Variants in MANEAL observed in about 807,000 individuals in gnomAD.
The protein encoded by MANEAL is mannosidase endo-alpha like.
Under a neutral mutation model 35.9 loss-of-function variants are expected in MANEAL, and 28 were observed. That is an observed-to-expected ratio of 0.78 (90% confidence interval 0.58 to 1.07). MANEAL has a LOEUF of 1.07. MANEAL is among the 50% of genes least tolerant of loss of function. The pLI, the probability that MANEAL is intolerant of heterozygous loss-of-function variation, is 0.00. For missense variants in MANEAL, 576 were observed against 629.6 expected (o/e 0.91, Z 0.91); for synonymous variants, 286 against 272.2 (o/e 1.05, Z -0.50).
At chr1:37,798,931 T>A (rs1360842196) in intron 3 of MANEAL, among the ~76,000 whole-genome samples, 1 of 151,672 alleles carries the variant, frequency 6.6e-6, no homozygotes, top group Non-Finnish European at 1.5e-5. Flanking sequence ...TCCAGCTACT[T>A]GAGAGGCTGA....
chr1:37,800,950 C>T lies in MANEAL; in HGVS notation c.*747C>T, dbSNP rs1385115625. ...AGTGCTGGGAGTTCAGTTCTTTTTC[C>T]TCTAGAAAAATACCTCTGTGCTCCA... On this transcript the variant is annotated 3_prime_UTR_variant, in exon 4 of 4. Coordinates refer to ENST00000373045, the MANE Select transcript of MANEAL (RefSeq NM_001113482.2). 1.3e-5 allele frequency: 2 copies of T among 152,554 alleles called. No homozygotes were observed. Among genetic ancestry groups the T allele is most frequent in the African/African-American group, 4.8e-5 (2 of 41,398 alleles). The allele number at this position is 152,554 out of a possible 1,614,324, so 9.5% of individuals were successfully genotyped here.
chr1:37,794,382 C>G lies in MANEAL; in HGVS notation c.200C>G (p.Ala67Gly), dbSNP rs1195637618. 3.7e-6 allele frequency: 4 copies of G among 1,077,422 alleles called. No homozygotes were observed. The highest frequency in any genetic ancestry group is 4.5e-6 in the Non-Finnish European group (4 of 890,832). The allele number at this position is 1,077,422 out of a possible 1,614,324, so 66.7% of individuals were successfully genotyped here. ...GCCAGGGCCCCGGCAGCCCCTGCCG[C>G]GCCGCCCCCGCCGCCGCCGCCGCCC... ...PAARAPAAPA[A>G]PPPPPPPPRT... is the part of the protein sequence containing the mutation. The change falls in exon 1 of 4, where the codon GCG becomes GGG. Residue 67 changes from alanine (A) to glycine (G), a missense_variant. Coordinates refer to ENST00000373045, the MANE Select transcript of MANEAL (RefSeq NM_001113482.2). The surrounding 1 kb of genome is among the most constrained non-coding windows in gnomAD (Gnocchi z 5.7).
At chr1:37,795,669 T>C in intron 1 of MANEAL, 68 bp from the exon 2 acceptor site, 1 of 1,600,642 alleles carries the variant, frequency 6.2e-7, no homozygotes, top group Non-Finnish European at 8.5e-7. Context: ...GAGATGTTTG[T>C]GAGGAAAAAA....
Position 37,799,426 on chromosome 1 carries a change from C to A in MANEAL, c.738-141C>A. 1 of 944,120 alleles carries A rather than the reference C, an allele frequency of 1.1e-6. No individual in the cohort carries two copies. Among genetic ancestry groups the A allele is most frequent in the Non-Finnish European group, 1.6e-6 (1 of 634,350 alleles). The allele number at this position is 944,120 out of a possible 1,614,324, so 58.5% of individuals were successfully genotyped here. ...GAGGAAGGAGGGAACCAGGTTCTTG[C>A]TTAGAGGCATGATGACTCCAACTGT... On this transcript the variant is annotated intron_variant, in intron 3 of 3. Coordinates refer to ENST00000373045, the MANE Select transcript of MANEAL (RefSeq NM_001113482.2). The surrounding 1 kb of genome is among the most constrained non-coding windows in gnomAD (Gnocchi z 4.1).
rs1646650269 is a variant in MANEAL, at chr1:37,796,899, A to G, written c.737+79A>G. 30 of 1,351,062 alleles carry G rather than the reference A, an allele frequency of 2.2e-5. No homozygotes were observed. The South Asian group carries it at 3.6e-4, about 16-fold the overall frequency. 83.7% of individuals were successfully genotyped at this position (1,351,062 alleles called of 1,614,324 possible). A position where few individuals can be genotyped will look rare whatever the true frequency, so the allele number is the denominator to read the frequency against. ...ATAGAAGGTTTGGAGGGGCAGGTCA[A>G]GAGACACAGGGCATAATGCCTGTGT... On this transcript the variant is annotated intron_variant, in intron 3 of 3. Transcript: ENST00000373045.
chr1:37,797,051 A>G (rs1646651362), intron 3 of MANEAL, among the ~76,000 whole-genome samples: 1 of 152,222 alleles, frequency 6.6e-6, no homozygotes, highest in Non-Finnish European at 1.5e-5. Context: ...TCTTGTGAGA[A>G]TCACACGAAT....
chr1:37,797,019 G>A (rs956574807), intron 3 of MANEAL, among the ~76,000 whole-genome samples, 199 bp downstream of exon 3: 1 of 152,196 alleles, frequency 6.6e-6, no homozygotes, highest in Non-Finnish European at 1.5e-5. Flanking sequence ...TCTGTGATGA[G>A]GCAAGCCTCT....
At position 37,799,462 on chromosome 1, in the gene MANEAL, T is replaced by A. The variant is rs1192047194; in HGVS notation, c.738-105T>A. The A allele has an allele frequency of 7.8e-7, 1 of 1,288,018 alleles. No homozygotes were observed. The highest frequency in any genetic ancestry group is 2.2e-5 in the Admixed American group (1 of 44,948). The allele number at this position is 1,288,018 out of a possible 1,614,324, so 79.8% of individuals were successfully genotyped here. On this transcript the variant is annotated intron_variant, in intron 3 of 3. Transcript: ENST00000373045. This position sits in a 1 kb window ranked among gnomAD's most constrained non-coding sequence, Gnocchi z 4.1. ...GATGACTCCAACTGTGGAGACTGAC[T>A]GGCTCCAGAACTGGGCTGTGTTGCA...
Position 37,795,907 on chromosome 1 carries a change from G to A in MANEAL, c.660+61G>A, listed in dbSNP as rs900541904. ...CTATTCTGGAGAGTTGCTCTCCTCC[G>A]CCCACAGGGTTAGTGCCTCTACAGA... On this transcript the variant is annotated intron_variant, in intron 2 of 3. Coordinates refer to ENST00000373045, the MANE Select transcript of MANEAL (RefSeq NM_001113482.2). 2.5e-5 allele frequency: 37 copies of A among 1,451,788 alleles called. 1 individual carries two copies. The highest frequency in any genetic ancestry group is 1.7e-4 in the Middle Eastern group (1 of 5,758). The allele number at this position is 1,451,788 out of a possible 1,614,324, so 89.9% of individuals were successfully genotyped here.
At chr1:37,798,805 G>A (rs1646668979) in intron 3 of MANEAL, among the ~76,000 whole-genome samples, 1 of 152,170 alleles carries the variant, frequency 6.6e-6, no homozygotes, top group South Asian at 2.1e-4. Context: ...TTGAGAGGCT[G>A]AGGTGGGTGG....
intron 3 of MANEAL, among the ~76,000 whole-genome samples, chr1:37,797,976 C>G (rs1646659136): frequency 6.6e-6 from 1 of 151,236 alleles, no homozygotes; most frequent in Admixed American, 6.6e-5. Flanking sequence ...ATAGCAAGAC[C>G]CCATCTCTAC....
Position 37,794,739 on chromosome 1 carries a change from G to A in MANEAL, c.550+7G>A. 2 of 1,543,874 alleles carry A rather than the reference G, an allele frequency of 1.3e-6. No homozygotes were observed. Among genetic ancestry groups the A allele is most frequent in the South Asian group, 1.2e-5 (1 of 82,830 alleles). The stretch of plus-strand genomic sequence containing the variant: ...CTCAAGGAAGCCGCCATCGGTGAGC[G>A]CCCCCCACCCCGGGCGGCCCTGCCC... On this transcript the variant is annotated splice_region_variant and intron_variant, in intron 1 of 3. Transcript: ENST00000373045. The surrounding 1 kb of genome is among the most constrained non-coding windows in gnomAD (Gnocchi z 5.7).
chr1:37,801,104 T>C lies in MANEAL; in HGVS notation c.*901T>C, dbSNP rs1032776553. ...CCATGTTCAGTGCTACTGTGATTAG[T>C]AGTAATTAAATATGAACTGGTATTC... On this transcript the variant is annotated 3_prime_UTR_variant, in exon 4 of 4. Coordinates refer to ENST00000373045, the MANE Select transcript of MANEAL (RefSeq NM_001113482.2). The C allele has an allele frequency of 4.6e-5, 7 of 152,634 alleles. No individual in the cohort carries two copies. The highest frequency in any genetic ancestry group is 1.7e-4 in the African/African-American group (7 of 41,462). 9.5% of individuals were successfully genotyped at this position (152,634 alleles called of 1,614,324 possible).
rs1247469212 is a variant in MANEAL, at chr1:37,799,724, G to T, written c.895G>T (p.Gly299Trp). The change falls in exon 4 of 4, where the codon GGG (glycine) becomes TGG (tryptophan). Residue 299 changes from glycine (G) to tryptophan (W), a missense_variant. By Grantham distance (184) the Gly-to-Trp change is radical. This residue lies in a region of MANEAL where 449 missense variants were observed against 516.1 expected (regional missense o/e 0.87). Transcript: ENST00000373045. The surrounding 1 kb of genome is among the most constrained non-coding windows in gnomAD (Gnocchi z 4.1). Reference protein sequence around the residue: ...PHSIRNTPYDGVFIALLVEEG... With the variant: ...PHSIRNTPYDWVFIALLVEEG... ...TTCGATCCGCAACACGCCCTACGAT[G>T]GGGTCTTCATAGCGCTGCTGGTGGA... 2.5e-6 allele frequency: 4 copies of T among 1,614,244 alleles called. No individual in the cohort carries two copies. In the South Asian group the frequency reaches 4.4e-5, roughly 18 times the overall value.
chr1:37,796,735 T>TTG lies in MANEAL; in HGVS notation c.661-6_661-5dup. On this transcript the variant is annotated splice_polypyrimidine_tract_variant and intron_variant, in intron 2 of 3. Coordinates refer to ENST00000373045, the MANE Select transcript of MANEAL (RefSeq NM_001113482.2). ...ACTCACCTGACCATTACTCCTCTGT[T>TTG]TGTGGCAGGTGGCCTTCCACATCCA... The TTG allele has an allele frequency of 6.2e-7, 1 of 1,600,264 alleles. No homozygotes were observed. The highest frequency in any genetic ancestry group is 8.5e-7 in the Non-Finnish European group (1 of 1,173,412).
In MANEAL at chr1:37,799,346, C is replaced by T. The variant is rs1392271641; in HGVS notation, c.738-221C>T. ...CTGTTGTTGCAATCCAGATGGAAGA[C>T]GGTGGTGGCTTGGCTAAGGGTAGGG... On this transcript the variant is annotated intron_variant, in intron 3 of 3. Coordinates refer to ENST00000373045, the MANE Select transcript of MANEAL (RefSeq NM_001113482.2). The surrounding 1 kb of genome is among the most constrained non-coding windows in gnomAD (Gnocchi z 4.1). Among the ~76,000 whole-genome samples, 2 of 152,114 alleles carry T rather than the reference C, an allele frequency of 1.3e-5. No individual in the cohort carries two copies. Among genetic ancestry groups the T allele is most frequent in the Non-Finnish European group, 1.5e-5 (1 of 68,026 alleles).
Position 37,800,141 on chromosome 1 carries a change from C to T in MANEAL, c.1312C>T (p.Leu438=), listed in dbSNP as rs1646685176. 6.2e-7 allele frequency: 1 copy of T among 1,613,982 alleles called. No individual in the cohort carries two copies. The highest frequency in any genetic ancestry group is 8.5e-7 in the Non-Finnish European group (1 of 1,180,036). The stretch of plus-strand genomic sequence containing the variant: ...CCTGCCTCACCAGCCCAGCCTGTAC[C>T]TGGAGCTGACACGCCGCTGGGCGGA... ...DYLPHQPSLY[L]ELTRRWAEHF... Residue 438 remains leucine (L), a synonymous_variant, in exon 4 of 4, where the codon CTG becomes TTG. Coordinates refer to ENST00000373045, the MANE Select transcript of MANEAL (RefSeq NM_001113482.2).
chr1:37,796,818 C>T lies in MANEAL; in HGVS notation c.735C>T (p.Asp245=), dbSNP rs779009881. 3 of 1,609,236 alleles carry T rather than the reference C, an allele frequency of 1.9e-6. No homozygotes were observed. In the South Asian group the frequency reaches 3.3e-5, roughly 18 times the overall value. The change falls in exon 3 of 4, where the codon GAC becomes GAT. Residue 245 remains aspartate, a splice_region_variant and synonymous_variant. Coordinates refer to ENST00000373045, the MANE Select transcript of MANEAL (RefSeq NM_001113482.2). ...ATGACAACATCAAGTACATCATTGACACGTAAGGCTGCTCTGGGGGCCGGG... is the reference window on the plus strand; with the variant it reads ...ATGACAACATCAAGTACATCATTGATACGTAAGGCTGCTCTGGGGGCCGGG... ...TVHDNIKYII[D]TYGSHGAFYR... is the part of the protein sequence containing the mutation.
chr1:37,800,000 G>A lies in MANEAL; in HGVS notation c.1171G>A (p.Ala391Thr), dbSNP rs771600153. ...GTACTATGAGACGGCCCTGCAGGCG[G>A]CCCTGACAGTGAGGCCCGAGATCGT... is the stretch of plus-strand genomic sequence containing the variant. Reference protein sequence around the residue: ...GKYYETALQAALTVRPEIVSI... With the variant: ...GKYYETALQATLTVRPEIVSI... The change falls in exon 4 of 4, where the codon GCC becomes ACC. Residue 391 changes from alanine to threonine, a missense_variant. By Grantham distance (58) the Ala-to-Thr change is moderately conservative. Coordinates refer to ENST00000373045, the MANE Select transcript of MANEAL (RefSeq NM_001113482.2). The surrounding 1 kb of genome is among the most constrained non-coding windows in gnomAD (Gnocchi z 4.1). 3 of 1,614,210 alleles carry A rather than the reference G, an allele frequency of 1.9e-6. No homozygotes were observed. The highest frequency in any genetic ancestry group is 2.2e-5 in the South Asian group (2 of 91,086).
Sources: gnomAD v4.1 joint callset for allele counts (sites outside exome capture counted in the v4.1 genomes callset) on GRCh38, gnomAD v4.1.1 for gene constraint, gnomAD v4.1.1 regional missense constraint, Gnocchi (gnomAD v3.1) non-coding constraint, MANE v1.5 for transcripts, NCBI Gene and HGNC (gene_info 2026-07-23, HGNC 2026-07-21) for gene names.